Variants in CPXM2 observed in about 807,000 individuals in gnomAD.
The protein encoded by CPXM2 is inactive carboxypeptidase-like protein X2.
CPXM2 carries 66 observed loss-of-function variants against 86.1 expected under a neutral mutation model. The ratio of observed to expected loss-of-function variants is 0.77; its 90% CI spans 0.63 to 0.94. CPXM2 has a LOEUF of 0.94. Among genes scored for constraint, CPXM2 ranks in the 40% least tolerant of loss-of-function variants. The pLI is 0.00. For synonymous variants in CPXM2, 388 were observed against 400.2 expected, an observed-to-expected ratio of 0.97 and a Z score of 0.36; for missense variants, 948 against 1,026.3, an observed-to-expected ratio of 0.92 and a Z score of 1.04.
chr10:123,834,776 C>T (rs905825900), intron 4 of CPXM2, among the ~76,000 whole-genome samples: 1 of 152,182 alleles, frequency 6.6e-6, no homozygotes, highest in Non-Finnish European at 1.5e-5. Context: ...GGGACAGATC[C>T]TTCGTGAATA....
Position 123,746,685 on chromosome 10 carries a change from G to A in CPXM2, c.*79C>T. The A allele has an allele frequency of 1.5e-6, 2 of 1,337,206 alleles. No homozygotes were observed. Among genetic ancestry groups the A allele is most frequent in the South Asian group, 1.3e-5 (1 of 77,148 alleles). 82.8% of individuals were successfully genotyped at this position (1,337,206 alleles called of 1,614,324 possible). On this transcript the variant is annotated 3_prime_UTR_variant, in exon 14 of 14. Transcript: ENST00000241305. Reference sequence around the variant, plus strand: ...CTTGAATTACAGAGGAAACAACAGTGAGTGAGTCCACTATGGAGCTACTAC... The same window carrying A: ...CTTGAATTACAGAGGAAACAACAGTAAGTGAGTCCACTATGGAGCTACTAC...
intron 4 of CPXM2, among the ~76,000 whole-genome samples, chr10:123,828,437 T>C (rs1848092430): frequency 6.6e-6 from 1 of 152,216 alleles, no homozygotes; most frequent in Non-Finnish European, 1.5e-5. Context: ...AATTGAATCA[T>C]AGGGGCAGGT....
upstream of CPXM2, among the ~76,000 whole-genome samples, chr10:123,896,897 TCTCCAGCC>T (rs1297914865): frequency 1.3e-5 from 2 of 152,192 alleles, no homozygotes; most frequent in Non-Finnish European, 2.9e-5. Flanking sequence ...CTGCCTCTGG[TCTCCAGCC>T]CTCTGGGCTT....
rs150212528 is a variant in CPXM2, at chr10:123,870,503, G to A, written c.404-7780C>T. On this transcript the variant is annotated intron_variant, in intron 2 of 13. Coordinates refer to ENST00000241305, the MANE Select transcript of CPXM2 (RefSeq NM_198148.3). ...TCGACTTAATGGAATTCTTGCCTTC[G>A]CCTTTCTGAACTTGACATTCCCTTT... Among the ~76,000 whole-genome samples, 10 of 152,272 alleles carry A rather than the reference G, an allele frequency of 6.6e-5. No individual in the cohort carries two copies. In the East Asian group the frequency reaches 1.2e-3, roughly 18 times the overall value.
chr10:123,797,841 G>T, intron 6 of CPXM2, 135 bp downstream of exon 6: 1 of 840,002 alleles, frequency 1.2e-6, no homozygotes, highest in Non-Finnish European at 1.6e-6. Context: ...TGCCTCCTCA[G>T]CCTCCCAAAA....
chr10:123,887,783 C>T (rs1184230870), intron 1 of CPXM2, among the ~76,000 whole-genome samples: 1 of 152,158 alleles, frequency 6.6e-6, no homozygotes, highest in Non-Finnish European at 1.5e-5. Flanking sequence ...GTATCTTGTA[C>T]TAGAATCATC....
intron 6 of CPXM2, among the ~76,000 whole-genome samples, chr10:123,780,665 A>C (rs890886840): frequency 1.3e-5 from 2 of 152,188 alleles, no homozygotes; most frequent in African/African-American, 4.8e-5. Flanking sequence ...GAATATCGTG[A>C]CTACACACAC....
intron 2 of CPXM2, among the ~76,000 whole-genome samples, chr10:123,908,739 C>A (rs1564819971): frequency 6.6e-6 from 1 of 152,130 alleles, no homozygotes; most frequent in African/African-American, 2.4e-5. Context: ...TTCACTGCAG[C>A]TTTAAACAGC....
At chr10:123,774,045 C>T (rs191839361) in intron 7 of CPXM2, among the ~76,000 whole-genome samples, 3 of 152,344 alleles carry the variant, frequency 2.0e-5, no homozygotes, top group East Asian at 3.9e-4. Flanking sequence ...GAAAGAAGAT[C>T]TGATTCAAAG....
intron 2 of CPXM2, among the ~76,000 whole-genome samples, chr10:123,911,491 C>T (rs578259976): frequency 2.0e-5 from 3 of 151,592 alleles, no homozygotes; most frequent in African/African-American, 7.2e-5. Flanking sequence ...TAGGTTGGTG[C>T]AAAAGTAATT....
chr10:123,859,498 G>A (rs184870132), intron 3 of CPXM2, among the ~76,000 whole-genome samples: 2 of 152,250 alleles, frequency 1.3e-5, no homozygotes, highest in African/African-American at 4.8e-5. Flanking sequence ...GCTGTATGTC[G>A]AAGCCCACAG....
intron 6 of CPXM2, among the ~76,000 whole-genome samples, chr10:123,784,443 C>G (rs185242208): frequency 6.6e-6 from 1 of 152,226 alleles, no homozygotes; most frequent in East Asian, 1.9e-4. Flanking sequence ...TACCACCTGC[C>G]CTAAACATCT....
At position 123,757,366 on chromosome 10, in the gene CPXM2, C is replaced by A. The variant is rs760317767; in HGVS notation, c.1778-14G>T. 6.2e-7 allele frequency: 1 copy of A among 1,609,252 alleles called. No individual in the cohort carries two copies. Among genetic ancestry groups the A allele is most frequent in the Admixed American group, 1.7e-5 (1 of 59,946 alleles). On this transcript the variant is annotated splice_polypyrimidine_tract_variant and intron_variant, in intron 11 of 13. Coordinates refer to ENST00000241305, the MANE Select transcript of CPXM2 (RefSeq NM_198148.3). ...AATCGTTCAGACCTGCCAAGCCAAC[C>A]GGACAACACTTTAACTGAACAATAC...
At chr10:123,749,978 G>GTTTTTTTT (rs56363371) in intron 13 of CPXM2, 3 of 122,236 alleles carry the variant, frequency 2.5e-5, no homozygotes, top group Non-Finnish European at 4.4e-5. Context: ...GCTAATTTTT[G>GTTTTTTTT]TTTTTTTTTT....
At chr10:123,888,147 A>C (rs968424228) in intron 1 of CPXM2, among the ~76,000 whole-genome samples, 3 of 152,086 alleles carry the variant, frequency 2.0e-5, no homozygotes, top group African/African-American at 7.2e-5. Context: ...CCTTGCATAA[A>C]CCCCGCTACA....
At chr10:123,814,696 A>G (rs1847776847) in intron 4 of CPXM2, among the ~76,000 whole-genome samples, 1 of 152,162 alleles carries the variant, frequency 6.6e-6, no homozygotes, top group African/African-American at 2.4e-5. Context: ...AGTATGGACA[A>G]CACTGATAGT....
At position 123,754,242 on chromosome 10, in the gene CPXM2, T is replaced by C. The variant is rs1350520885; in HGVS notation, c.2017+421A>G. On this transcript the variant is annotated intron_variant, in intron 13 of 13. Coordinates refer to ENST00000241305, the MANE Select transcript of CPXM2 (RefSeq NM_198148.3). This position sits in a 1 kb window ranked among gnomAD's most constrained non-coding sequence, Gnocchi z 4.0. ...TTCAAACTCTCCACTCCTCCACAAG[T>C]CACCCAGTCTACAGCTTCTCCCTCT... 1.3e-5 allele frequency among the ~76,000 whole-genome samples: 2 copies of C among 152,180 alleles called. No homozygotes were observed. The highest frequency in any genetic ancestry group is 2.9e-5 in the Non-Finnish European group (2 of 68,020).
intron 2 of CPXM2, 66 bp downstream of exon 2, chr10:123,880,145 T>TGGGGGGGC: frequency 7.4e-6 from 3 of 407,578 alleles, no homozygotes; most frequent in East Asian, 4.9e-5. Context: ...CAGGGGCCTG[T>TGGGGGGGC]ACCCACCCAC....
intron 7 of CPXM2, among the ~76,000 whole-genome samples, chr10:123,774,007 G>C (rs912230082): frequency 2.6e-5 from 4 of 152,210 alleles, no homozygotes; most frequent in Non-Finnish European, 4.4e-5. Flanking sequence ...TGATTTGCTA[G>C]GCTAAATTTG....
Sources: gnomAD v4.1 joint callset for allele counts (sites outside exome capture counted in the v4.1 genomes callset) on GRCh38, gnomAD v4.1.1 for gene constraint, Gnocchi (gnomAD v3.1) non-coding constraint, MANE v1.5 for transcripts, NCBI Gene and HGNC (gene_info 2026-07-23, HGNC 2026-07-21) for gene names.